GFRAL: variants seen among roughly 807,000 people sequenced by gnomAD.
GFRAL encodes GDNF family receptor alpha like.
GFRAL carries 36 observed loss-of-function variants against 45.4 expected under a neutral mutation model. That is an observed-to-expected ratio of 0.79 (90% CI 0.61 to 1.05). The LOEUF is 1.05. Ranked by LOEUF, GFRAL falls within the 50% of genes least tolerant of loss-of-function variation. The pLI is 0.00. For missense variants in GFRAL, 507 were observed against 467.5 expected, an observed-to-expected ratio of 1.08 and a Z score of -0.78; for synonymous variants, 166 against 154.1, an observed-to-expected ratio of 1.08 and a Z score of -0.57.
At position 55,327,498 on chromosome 6, in the gene GFRAL, T is replaced by G; in HGVS notation, c.-57T>G. On this transcript the variant is annotated 5_prime_UTR_variant, in exon 1 of 9. Transcript: ENST00000340465. The stretch of plus-strand genomic sequence containing the variant: ...TCTGGACAGTTACTCTTAAGAAAGT[T>G]GTCAGAAGAAACGCATCTGCCTTTT... 6.3e-7 allele frequency: 1 copy of G among 1,595,810 alleles called. No homozygotes were observed. The highest frequency in any genetic ancestry group is 8.6e-7 in the Non-Finnish European group (1 of 1,164,806).
intron 6 of GFRAL, among the ~76,000 whole-genome samples, chr6:55,391,129 G>A (rs12662782): frequency 0.15 from 21,963 of 149,788 alleles, 2,203 homozygotes; most frequent in African/African-American, 0.29. Context: ...TTGTAGTCAA[G>A]TTTTTTCTAA....
intron 6 of GFRAL, among the ~76,000 whole-genome samples, chr6:55,390,443 C>T (rs1768733608): frequency 1.3e-5 from 2 of 152,138 alleles, no homozygotes. Flanking sequence ...GGGAACATGC[C>T]ATTTTTATGG....
chr6:55,364,125 C>T (rs1011539480), intron 6 of GFRAL, among the ~76,000 whole-genome samples: 2 of 149,632 alleles, frequency 1.3e-5, no homozygotes, highest in African/African-American at 2.5e-5. Context: ...TAAATGATTG[C>T]CATTCTAAGT....
chr6:55,399,396 T>C lies in GFRAL; in HGVS notation c.1076T>C (p.Met359Thr). Residue 359 changes from methionine to threonine, a missense_variant, in exon 8 of 9, where the codon ATG becomes ACG. By Grantham distance (81) the Met-to-Thr change is moderately conservative. Coordinates refer to ENST00000340465, the MANE Select transcript of GFRAL (RefSeq NM_207410.2). Reference sequence around the variant, plus strand: ...GAAGTAATCTATGCTGCCATGTGCATGACAGTCACCTGTGGAATCCTTCTG... The same window carrying C: ...GAAGTAATCTATGCTGCCATGTGCACGACAGTCACCTGTGGAATCCTTCTG... ...NGEVIYAAMC[M>T]TVTCGILLLV... 1 of 1,611,924 alleles carries C rather than the reference T, an allele frequency of 6.2e-7. No homozygotes were observed. Among genetic ancestry groups the C allele is most frequent in the East Asian group, 2.2e-5 (1 of 44,802 alleles).
At chr6:55,370,607 A>G (rs369945504) in intron 6 of GFRAL, among the ~76,000 whole-genome samples, 35 of 152,316 alleles carry the variant, frequency 2.3e-4, no homozygotes, top group African/African-American at 6.5e-4. Context: ...ATAATTCTCT[A>G]GGGAGCAGTT....
Position 55,363,335 on chromosome 6 carries a change from G to A in GFRAL, c.952+4197G>A, listed in dbSNP as rs1768303179. Among the ~76,000 whole-genome samples the A allele has an allele frequency of 5.3e-5, 8 of 151,568 alleles. No homozygotes were observed. In the South Asian group the frequency reaches 1.7e-3, roughly 32 times the overall value. ...CTGATACACACACACATTTTTTAAGGCAATCAAACTATACTTATTGCTTTA... is the reference window on the plus strand; with the variant it reads ...CTGATACACACACACATTTTTTAAGACAATCAAACTATACTTATTGCTTTA... On this transcript the variant is annotated intron_variant, in intron 6 of 8. Transcript: ENST00000340465.
intron 6 of GFRAL, among the ~76,000 whole-genome samples, chr6:55,398,672 T>A (rs1409122798): frequency 6.6e-6 from 1 of 152,108 alleles, no homozygotes; most frequent in Non-Finnish European, 1.5e-5. Flanking sequence ...CCAAGAAGAC[T>A]AGCACCTCAG....
intron 3 of GFRAL, among the ~76,000 whole-genome samples, chr6:55,339,293 G>C (rs1262017808): frequency 1.3e-5 from 2 of 152,106 alleles, no homozygotes; most frequent in African/African-American, 4.8e-5. Context: ...CATTTCATCT[G>C]AGGCATGCTT....
intron 6 of GFRAL, among the ~76,000 whole-genome samples, chr6:55,391,382 AC>A (rs1768752007): frequency 6.6e-6 from 1 of 152,218 alleles, no homozygotes; most frequent in Non-Finnish European, 1.5e-5. Context: ...TGTGCCAAAC[AC>A]TATTTCAAAC....
chr6:55,369,398 A>G (rs989528291), intron 6 of GFRAL, among the ~76,000 whole-genome samples: 43 of 152,224 alleles, frequency 2.8e-4, no homozygotes, highest in Non-Finnish European at 5.9e-5. Flanking sequence ...GAAATCACCC[A>G]TCTTCTGCGT....
In GFRAL at chr6:55,399,209, A is replaced by G; in HGVS notation, c.982A>G (p.Met328Val). 2 of 1,600,460 alleles carry G rather than the reference A, an allele frequency of 1.2e-6. No individual in the cohort carries two copies. The highest frequency in any genetic ancestry group is 1.1e-5 in the South Asian group (1 of 89,200). The change falls in exon 7 of 9, where the codon ATG becomes GTG. Residue 328 changes from methionine to valine, a missense_variant. By Grantham distance (21) the Met-to-Val change is conservative. Coordinates refer to ENST00000340465, the MANE Select transcript of GFRAL (RefSeq NM_207410.2). ...TCCAACCCTGTCTAATGTCAAAGGC[A>G]TGGCATTGTATACAAGAAAACATGC... ...NYPTLSNVKG[M>V]ALYTRKHANK...
chr6:55,364,565 G>A (rs1768331068), intron 6 of GFRAL, among the ~76,000 whole-genome samples: 1 of 146,074 alleles, frequency 6.8e-6, no homozygotes, highest in Admixed American at 6.8e-5. Context: ...GGTTTTTATG[G>A]TTTTAGGTCT....
chr6:55,365,119 G>T (rs377555028), intron 6 of GFRAL, among the ~76,000 whole-genome samples: 8 of 151,268 alleles, frequency 5.3e-5, no homozygotes, highest in Non-Finnish European at 1.0e-4. Context: ...TTTCCTTGAG[G>T]AGTGGTTTGT....
chr6:55,351,162 T>A, intron 4 of GFRAL, 91 bp from the exon 5 acceptor site: 2 of 874,668 alleles, frequency 2.3e-6, no homozygotes, highest in Non-Finnish European at 3.6e-6. Context: ...TCATTGTATT[T>A]TGCTCATAGA....
chr6:55,373,804 T>C (rs1768488084), intron 6 of GFRAL, among the ~76,000 whole-genome samples: 1 of 152,016 alleles, frequency 6.6e-6, no homozygotes, highest in Non-Finnish European at 1.5e-5. Flanking sequence ...GTTACATAGG[T>C]AAATGCATGC....
intron 3 of GFRAL, among the ~76,000 whole-genome samples, chr6:55,347,027 A>T (rs1768052842): frequency 6.6e-6 from 1 of 152,108 alleles, no homozygotes; most frequent in African/African-American, 2.4e-5. Context: ...ATGAGCAGAT[A>T]AACCACTCAG....
At chr6:55,357,908 C>G (rs1348995110) in intron 5 of GFRAL, among the ~76,000 whole-genome samples, 1 of 151,880 alleles carries the variant, frequency 6.6e-6, no homozygotes, top group African/African-American at 2.4e-5. Flanking sequence ...ACTTCCAAAA[C>G]TTACATTTAG....
chr6:55,334,661 A>T (rs1767869551), intron 3 of GFRAL, among the ~76,000 whole-genome samples: 1 of 140,348 alleles, frequency 7.1e-6, no homozygotes, highest in African/African-American at 2.7e-5. Flanking sequence ...AGGTAGATTT[A>T]CCTCTCATCT....
At chr6:55,352,888 C>T (rs1033385728) in intron 5 of GFRAL, among the ~76,000 whole-genome samples, 5 of 151,722 alleles carry the variant, frequency 3.3e-5, no homozygotes, top group East Asian at 1.9e-4. Context: ...TAGGCAATGG[C>T]GAATAAGGAA....
Sources: gnomAD v4.1 joint callset for allele counts (sites outside exome capture counted in the v4.1 genomes callset) on GRCh38, gnomAD v4.1.1 for gene constraint, MANE v1.5 for transcripts, NCBI Gene and HGNC (gene_info 2026-07-23, HGNC 2026-07-21) for gene names.